MEP1A: variants seen among roughly 807,000 people sequenced by gnomAD.
The protein encoded by MEP1A is meprin A subunit alpha.
Under a neutral mutation model 84.5 loss-of-function variants are expected in MEP1A, and 68 were observed. The ratio of observed to expected loss-of-function variants is 0.80; its 90% CI spans 0.66 to 0.98. The LOEUF is 0.98. MEP1A is among the 50% of genes least tolerant of loss of function. The pLI is 0.00. For synonymous variants in MEP1A, 337 were observed against 336.8 expected (o/e 1.00, Z -0.01); for missense variants, 887 against 919.9 (o/e 0.96, Z 0.46).
chr6:46,818,496 G>A (rs948267885), intron 6 of MEP1A, among the ~76,000 whole-genome samples: 3 of 152,150 alleles, frequency 2.0e-5, no homozygotes, highest in African/African-American at 7.2e-5. Context: ...GAGACAATTT[G>A]TGGAAAGCTT....
At chr6:46,840,627 T>C (rs1768315509), downstream of MEP1A, among the ~76,000 whole-genome samples, 1 of 152,210 alleles carries the variant, frequency 6.6e-6, no homozygotes, top group African/African-American at 2.4e-5. Flanking sequence ...AAGAAATCAT[T>C]TAAGCTCTTG....
intron 6 of MEP1A, among the ~76,000 whole-genome samples, chr6:46,813,096 C>A (rs1287636719): frequency 6.6e-6 from 1 of 151,958 alleles, no homozygotes; most frequent in Non-Finnish European, 1.5e-5. Flanking sequence ...GTGTTGCCAT[C>A]CACCTCATTT....
chr6:46,794,021 T>A (rs561920182), intron 3 of MEP1A, among the ~76,000 whole-genome samples: 2 of 152,312 alleles, frequency 1.3e-5, no homozygotes, highest in African/African-American at 4.8e-5. Context: ...TAGATAATTA[T>A]TCCGATTGTT....
At chr6:46,845,746 C>T in the MEP1A span, among the ~76,000 whole-genome samples, 2 of 152,102 alleles carry the variant, frequency 1.3e-5, no homozygotes, top group Non-Finnish European at 2.9e-5. Flanking sequence ...AGAGCCAGAA[C>T]TCTGAGAACA....
Position 46,824,831 on chromosome 6 carries a change from AATATATATAAATTAT to A in MEP1A, c.557-433_557-419del, listed in dbSNP as rs1471483930. 1.1e-4 allele frequency among the ~76,000 whole-genome samples: 9 copies of A among 79,902 alleles called. 2 individuals are homozygous for A. Among genetic ancestry groups the A allele is most frequent in the Admixed American group, 3.2e-4 (2 of 6,340 alleles). The allele number at this position is 79,902 out of a possible 152,430, so 52.4% of individuals were successfully genotyped here. A position where few individuals can be genotyped will look rare whatever the true frequency, so the allele number is the denominator to read the frequency against. The stretch of plus-strand genomic sequence containing the variant: ...TGATGTATTTAATTAGATGTATTTA[AATATATATAAATTAT>A]ATATATAAATTATATATTTAAATAG... On this transcript the variant is annotated intron_variant, in intron 7 of 13. Transcript: ENST00000230588.
In MEP1A at chr6:46,829,551, T is replaced by C. The variant is rs1768031559; in HGVS notation, c.1124T>C (p.Val375Ala). 1 of 1,613,922 alleles carries C rather than the reference T, an allele frequency of 6.2e-7. No individual in the cohort carries two copies. Among genetic ancestry groups the C allele is most frequent in the African/African-American group, 1.3e-5 (1 of 74,914 alleles). The change falls in exon 10 of 14, where the codon GTG becomes GCG. Residue 375 changes from valine to alanine, a missense_variant. Val to Ala is a moderately conservative substitution (Grantham distance 64). Transcript: ENST00000230588. ...AGCACAGGCAATGTTCGCAAGTTGGTGAAGGTGCAGACTTTTCAAGGTACT... is the reference window on the plus strand; with the variant it reads ...AGCACAGGCAATGTTCGCAAGTTGGCGAAGGTGCAGACTTTTCAAGGTACT... ...DDSTGNVRKL[V>A]KVQTFQGDDD...
chr6:46,842,545 T>C (rs1049828347), downstream of MEP1A, among the ~76,000 whole-genome samples: 3 of 152,158 alleles, frequency 2.0e-5, no homozygotes, highest in African/African-American at 7.2e-5. Context: ...AATTCCAGCC[T>C]GATAAATTTT....
In MEP1A at chr6:46,826,517, G is replaced by T. The variant is rs543554025; in HGVS notation, c.928+14G>T. On this transcript the variant is annotated intron_variant, in intron 9 of 13. Coordinates refer to ENST00000230588, the MANE Select transcript of MEP1A (RefSeq NM_005588.3). ...GACAATGCACAGGTCAGTGAAAGTG[G>T]AAAGCAAACACATTGATGTGGTTCA... The T allele has an allele frequency of 6.7e-7, 1 of 1,497,846 alleles. No individual in the cohort carries two copies. The highest frequency in any genetic ancestry group is 1.4e-5 in the South Asian group (1 of 69,542). The allele number at this position is 1,497,846 out of a possible 1,614,324, so 92.8% of individuals were successfully genotyped here. A position where few individuals can be genotyped will look rare whatever the true frequency, so the allele number is the denominator to read the frequency against.
At chr6:46,797,454 T>C (rs1767069412) in intron 3 of MEP1A, among the ~76,000 whole-genome samples, 1 of 152,058 alleles carries the variant, frequency 6.6e-6, no homozygotes, top group South Asian at 2.1e-4. Flanking sequence ...AGTAGGAGAG[T>C]ATATTCTGCT....
At chr6:46,838,874 T>A (rs1768274421) in intron 13 of MEP1A, 106 bp from the exon 14 acceptor site, 2 of 949,934 alleles carry the variant, frequency 2.1e-6, no homozygotes, top group Non-Finnish European at 3.2e-6. Flanking sequence ...CACGTGGACC[T>A]GCTCAGTGAG....
chr6:46,834,578 C>G lies in MEP1A; in HGVS notation c.1610C>G (p.Ala537Gly). The G allele has an allele frequency of 1.2e-6, 2 of 1,600,342 alleles. No individual in the cohort carries two copies. Among genetic ancestry groups the G allele is most frequent in the African/African-American group, 1.3e-5 (1 of 74,462 alleles). Residue 537 changes from alanine to glycine, a missense_variant and splice_region_variant, in exon 12 of 14, where the codon GCG becomes GGG. Transcript: ENST00000230588. ...TTTTATGTTACCTACAACTTTGCAG[C>G]GATAAATGACACTGTCATCTGGGAC... ...FTTSKSHTSP[A>G]INDTVIWDRP...
chr6:46,834,876 C>T (rs1321120706), intron 12 of MEP1A, 125 bp downstream of exon 12: 3 of 701,136 alleles, frequency 4.3e-6, no homozygotes, highest in Non-Finnish European at 7.0e-6. Context: ...GTAGGAGAAT[C>T]ACATTTTATT....
intron 5 of MEP1A, among the ~76,000 whole-genome samples, chr6:46,806,784 A>G (rs767530423): frequency 6.6e-6 from 1 of 151,892 alleles, no homozygotes; most frequent in African/African-American, 2.4e-5. Flanking sequence ...TCAGCCCCAA[A>G]CTTGTCCTTG....
intron 11 of MEP1A, among the ~76,000 whole-genome samples, chr6:46,833,978 ATTT>A (rs35322377): frequency 1.4e-5 from 2 of 141,682 alleles, no homozygotes. Flanking sequence ...TGGGCAAACT[ATTT>A]TTTTTTTTTT....
intron 7 of MEP1A, 51 bp from the exon 8 acceptor site, chr6:46,825,221 A>G (rs771034912): frequency 8.1e-6 from 10 of 1,228,696 alleles, no homozygotes; most frequent in Admixed American, 2.0e-5. Flanking sequence ...AAAGAGTAGC[A>G]TGGGGAAAAT....
intron 9 of MEP1A, among the ~76,000 whole-genome samples, chr6:46,828,529 T>A (rs80259366): frequency 0.039 from 5,973 of 152,224 alleles, 415 homozygotes; most frequent in African/African-American, 0.14. Context: ...TCTTGTGAAA[T>A]GTTTTGATGG....
At chr6:46,824,592 T>C (rs1353761905) in intron 7 of MEP1A, among the ~76,000 whole-genome samples, 1 of 138,478 alleles carries the variant, frequency 7.2e-6, no homozygotes, top group Admixed American at 7.4e-5. Context: ...ATAAATTATA[T>C]ATATTAAATA....
intron 10 of MEP1A, 84 bp downstream of exon 10, chr6:46,829,655 C>A: frequency 6.3e-6 from 6 of 956,430 alleles, no homozygotes; most frequent in South Asian, 1.4e-5. Flanking sequence ...TTTCCTCCTA[C>A]TCCTCCTTCT....
intron 3 of MEP1A, among the ~76,000 whole-genome samples, chr6:46,797,593 A>G (rs1767072725): frequency 6.6e-6 from 1 of 152,142 alleles, no homozygotes; most frequent in African/African-American, 2.4e-5. Context: ...TTTCATGGGA[A>G]AGAGCAAAAC....
Sources: gnomAD v4.1 joint callset for allele counts (sites outside exome capture counted in the v4.1 genomes callset) on GRCh38, gnomAD v4.1.1 for gene constraint, MANE v1.5 for transcripts, NCBI Gene and HGNC (gene_info 2026-07-23, HGNC 2026-07-21) for gene names.